RPL36: variants seen among roughly 807,000 people sequenced by gnomAD.
RPL36 encodes large ribosomal subunit protein eL36.
For synonymous variants in RPL36, 74 were observed against 56.0 expected, an observed-to-expected ratio of 1.32 and a Z score of -1.44; for missense variants, 131 against 144.9, an observed-to-expected ratio of 0.90 and a Z score of 0.49.
Position 5,690,521 on chromosome 19 carries a change from A to T in RPL36, c.14A>T (p.Tyr5Phe). ...CTGTCCGCAGCCATGGCCCTACGCT[A>T]CCCTATGGCCGTGGGCCTCAACAAG... MALR[Y>F]PMAVGLNKGH... is the part of the protein sequence containing the mutation. Residue 5 changes from tyrosine (Y) to phenylalanine (F), a missense_variant, in exon 2 of 4, where the codon TAC (tyrosine) becomes TTC (phenylalanine). By Grantham distance (22) the Tyr-to-Phe change is conservative (BLOSUM62 3). Coordinates refer to ENST00000347512, the MANE Select transcript of RPL36 (RefSeq NM_033643.3). 6.4e-7 allele frequency: 1 copy of T among 1,561,116 alleles called. No individual in the cohort carries two copies. The highest frequency in any genetic ancestry group is 8.7e-7 in the Non-Finnish European group (1 of 1,153,118).
rs1218833791 is a variant in RPL36, at chr19:5,690,597, C to T, written c.90C>T (p.Arg30=). 1.9e-6 allele frequency: 3 copies of T among 1,564,082 alleles called. No homozygotes were observed. Among genetic ancestry groups the T allele is most frequent in the East Asian group, 2.4e-5 (1 of 42,316 alleles). Residue 30 remains arginine (R), a synonymous_variant, in exon 2 of 4, where the codon CGC becomes CGT. Coordinates refer to ENST00000347512, the MANE Select transcript of RPL36 (RefSeq NM_033643.3). The part of the protein sequence containing the change: ...NVSKPRHSRR[R]GRLTKHTKFV... ...GCAAGCCCAGGCACAGCCGACGCCGCGGGGTGAGTGCGGGTGCCGCGCGGA... is the reference window on the plus strand; with the variant it reads ...GCAAGCCCAGGCACAGCCGACGCCGTGGGGTGAGTGCGGGTGCCGCGCGGA...
At chr19:5,690,759 T>G in intron 2 of RPL36, 159 bp downstream of exon 2, 1 of 664,910 alleles carries the variant, frequency 1.5e-6, no homozygotes, top group East Asian at 2.7e-5. Flanking sequence ...ACTTCCTGCC[T>G]GGTGCTCGAA....
At position 5,690,521 on chromosome 19, in the gene RPL36, A is replaced by C. The variant is rs2054803243; in HGVS notation, c.14A>C (p.Tyr5Ser). The change falls in exon 2 of 4, where the codon TAC (tyrosine) becomes TCC (serine). Residue 5 changes from tyrosine (Y) to serine (S), a missense_variant. Transcript: ENST00000347512. MALR[Y>S]PMAVGLNKGH... is the part of the protein sequence containing the mutation. ...CTGTCCGCAGCCATGGCCCTACGCT[A>C]CCCTATGGCCGTGGGCCTCAACAAG... 3 of 1,561,116 alleles carry C rather than the reference A, an allele frequency of 1.9e-6. No individual in the cohort carries two copies. The highest frequency in any genetic ancestry group is 1.7e-4 in the Middle Eastern group (1 of 5,864).
In RPL36 at chr19:5,691,558, G is replaced by A. The variant is rs2054820832; in HGVS notation, c.255G>A (p.Arg85=). ...TGGGGACGCACATCCGCGCCAAGAG[G>A]AAGCGGGAGGAGCTGAGCAACGTAC... ...KRVGTHIRAK[R]KREELSNVLA... Residue 85 remains arginine (R), a synonymous_variant, in exon 4 of 4, where the codon AGG becomes AGA. Transcript: ENST00000347512. 1 of 1,611,650 alleles carries A rather than the reference G, an allele frequency of 6.2e-7. No homozygotes were observed.
In RPL36 at chr19:5,691,851, A is replaced by G; in HGVS notation, c.*230A>G. The G allele has an allele frequency of 1.2e-6, 1 of 814,266 alleles. No individual in the cohort carries two copies. The highest frequency in any genetic ancestry group is 1.9e-6 in the Non-Finnish European group (1 of 524,824). The allele number at this position is 814,266 out of a possible 1,614,324, so 50.4% of individuals were successfully genotyped here. A position where few individuals can be genotyped will look rare whatever the true frequency, so the allele number is the denominator to read the frequency against. On this transcript the variant is annotated 3_prime_UTR_variant, in exon 4 of 4. Coordinates refer to ENST00000347512, the MANE Select transcript of RPL36 (RefSeq NM_033643.3). ...AGCCGCCGTACTGCAAATGACTTTAATCATTAAATAGCTTCTATGCCACAC... is the reference window on the plus strand; with the variant it reads ...AGCCGCCGTACTGCAAATGACTTTAGTCATTAAATAGCTTCTATGCCACAC...
Position 5,691,866 on chromosome 19 carries a change from C to T in RPL36, c.*245C>T. On this transcript the variant is annotated 3_prime_UTR_variant, in exon 4 of 4. Coordinates refer to ENST00000347512, the MANE Select transcript of RPL36 (RefSeq NM_033643.3). The stretch of plus-strand genomic sequence containing the variant: ...AATGACTTTAATCATTAAATAGCTT[C>T]TATGCCACACTCTGATTAAGCCGAC... 1 of 818,888 alleles carries T rather than the reference C, an allele frequency of 1.2e-6. No individual in the cohort carries two copies. Among genetic ancestry groups the T allele is most frequent in the South Asian group, 1.8e-5 (1 of 57,132 alleles). The allele number at this position is 818,888 out of a possible 1,614,324, so 50.7% of individuals were successfully genotyped here.
At chr19:5,691,483 G>C (rs2145571094) in intron 3 of RPL36, 30 bp downstream of exon 3, 3 of 1,607,858 alleles carry the variant, frequency 1.9e-6, no homozygotes, top group South Asian at 1.1e-5. Flanking sequence ...CGAGGGGCGG[G>C]GTGGGATGGG....
intron 1 of RPL36, 70 bp from the exon 2 acceptor site, chr19:5,690,436 C>T (rs1029361299): frequency 7.4e-6 from 9 of 1,210,738 alleles, no homozygotes; most frequent in Non-Finnish European, 9.5e-6. Flanking sequence ...GGAGCCGGGA[C>T]GCGGGGCTCT....
chr19:5,691,618 C>A lies in RPL36; in HGVS notation c.315C>A (p.Asp105Glu), dbSNP rs1171052569. Residue 105 changes from aspartate to glutamate, a missense_variant, in exon 4 of 4, where the codon GAC (aspartate) becomes GAA (glutamate). Coordinates refer to ENST00000347512, the MANE Select transcript of RPL36 (RefSeq NM_033643.3). ...AAMRKAAAKK[D>E] ...TGAGGAAAGCTGCTGCCAAGAAAGA[C>A]TGAGCCCCTCCCCTGCCCTCTCCCT... 7 of 1,607,060 alleles carry A rather than the reference C, an allele frequency of 4.4e-6. No homozygotes were observed. Among genetic ancestry groups the A allele is most frequent in the Non-Finnish European group, 5.9e-6 (7 of 1,178,012 alleles).
At chr19:5,690,803 C>T in intron 2 of RPL36, 1 of 617,442 alleles carries the variant, frequency 1.6e-6, no homozygotes, top group Non-Finnish European at 2.9e-6. Flanking sequence ...CCCAACCGTG[C>T]AATCCACGCT....
intron 2 of RPL36, 124 bp downstream of exon 2, chr19:5,690,724 G>A: frequency 1.3e-6 from 1 of 773,160 alleles, no homozygotes; most frequent in Non-Finnish European, 2.2e-6. Context: ...GGGCTTGAAT[G>A]GAAGAGATGG....
In RPL36 at chr19:5,690,678, C is replaced by T. The variant is rs2054805530; in HGVS notation, c.93+78C>T. Reference sequence around the variant, plus strand: ...GCATGGCTTGGGCAAAGGCTCTCGACCTGAAAGAACGCGCGTTCGGGCGCA... The same window carrying T: ...GCATGGCTTGGGCAAAGGCTCTCGATCTGAAAGAACGCGCGTTCGGGCGCA... On this transcript the variant is annotated intron_variant, in intron 2 of 3. Transcript: ENST00000347512. 9 of 1,195,004 alleles carry T rather than the reference C, an allele frequency of 7.5e-6. No homozygotes were observed. In the Admixed American group the frequency reaches 1.2e-4, roughly 16 times the overall value. 74.0% of individuals were successfully genotyped at this position (1,195,004 alleles called of 1,614,324 possible). A position where few individuals can be genotyped will look rare whatever the true frequency, so the allele number is the denominator to read the frequency against.
Position 5,691,397 on chromosome 19 carries a change from A to G in RPL36, c.172A>G (p.Met58Val), listed in dbSNP as rs2054816938. 1 of 1,613,750 alleles carries G rather than the reference A, an allele frequency of 6.2e-7. No individual in the cohort carries two copies. The highest frequency in any genetic ancestry group is 1.3e-5 in the African/African-American group (1 of 74,898). The change falls in exon 3 of 4, where the codon ATG becomes GTG. Residue 58 changes from methionine (M) to valine (V), a missense_variant. Physicochemically the swap from Met to Val is conservative, Grantham distance 21. Coordinates refer to ENST00000347512, the MANE Select transcript of RPL36 (RefSeq NM_033643.3). Reference sequence around the variant, plus strand: ...CTTTGCCCCGTACGAGCGGCGCGCCATGGAGTTACTGAAGGTCTCCAAGGA... The same window carrying G: ...CTTTGCCCCGTACGAGCGGCGCGCCGTGGAGTTACTGAAGGTCTCCAAGGA... ...CGFAPYERRA[M>V]ELLKVSKDKR...
At chr19:5,691,277 C>T (rs772725091) in intron 2 of RPL36, 42 bp from the exon 3 acceptor site, 2 of 1,611,486 alleles carry the variant, frequency 1.2e-6, no homozygotes, top group South Asian at 1.1e-5. Context: ...AACTAGAATG[C>T]AGGGATCCCC....
rs201910502 is a variant in RPL36 at position 5,690,498 on chromosome 19, G to C, written c.-2-8G>C. On this transcript the variant is annotated splice_polypyrimidine_tract_variant and splice_region_variant and intron_variant, in intron 1 of 3. Transcript: ENST00000347512. ...ACCTCCGCCCCTTCTCCCCGTCGCT[G>C]TCCGCAGCCATGGCCCTACGCTACC... 5.2e-4 allele frequency: 801 copies of C among 1,541,332 alleles called. 3 individuals carry two copies. Among genetic ancestry groups the C allele is most frequent in the Non-Finnish European group, 6.3e-5 (72 of 1,137,552 alleles).
Position 5,691,786 on chromosome 19 carries a change from G to C in RPL36, c.*165G>C. ...GGTGCTGCCTGGTCGTGAATCAAAA[G>C]CCGTGGCCCGCCCACCCTTCCCGGG... On this transcript the variant is annotated 3_prime_UTR_variant, in exon 4 of 4. Coordinates refer to ENST00000347512, the MANE Select transcript of RPL36 (RefSeq NM_033643.3). 2 of 890,802 alleles carry C rather than the reference G, an allele frequency of 2.2e-6. No homozygotes were observed. Among genetic ancestry groups the C allele is most frequent in the East Asian group, 2.7e-5 (1 of 37,718 alleles). The allele number at this position is 890,802 out of a possible 1,614,324, so 55.2% of individuals were successfully genotyped here.
Position 5,691,623 on chromosome 19 carries a change from C to G in RPL36, c.*2C>G, listed in dbSNP as rs573929551. On this transcript the variant is annotated 3_prime_UTR_variant, in exon 4 of 4. Transcript: ENST00000347512. ...AAAGCTGCTGCCAAGAAAGACTGAG[C>G]CCCTCCCCTGCCCTCTCCCTGAAAT... The G allele has an allele frequency of 2.9e-5, 46 of 1,604,300 alleles. No individual in the cohort carries two copies. In the African/African-American group the frequency reaches 5.6e-4, roughly 20 times the overall value.
intron 1 of RPL36, 27 bp from the exon 2 acceptor site, chr19:5,690,479 G>T (rs1320456041): frequency 2.0e-6 from 3 of 1,521,954 alleles, no homozygotes; most frequent in South Asian, 1.2e-5. Context: ...ACTCACCTCC[G>T]CCCCTTCTCC....
intron 1 of RPL36, 34 bp downstream of exon 1, chr19:5,690,361 C>G (rs1428931070): frequency 1.4e-6 from 1 of 701,070 alleles, no homozygotes; most frequent in South Asian, 1.5e-5. Context: ...GTATCCGCCG[C>G]CATCCGGACT....
Sources: allele counts gnomAD v4.1 joint callset, GRCh38; gene constraint gnomAD v4.1.1; transcripts MANE v1.5; gene names NCBI Gene and HGNC (gene_info 2026-07-23, HGNC 2026-07-21).